CYBC1: variants seen among roughly 807,000 people sequenced by gnomAD.
CYBC1 encodes cytochrome b-245 chaperone 1, also known as essential for reactive oxygen species protein.
CYBC1 carries 22 observed loss-of-function variants against 21.7 expected under a neutral mutation model. The observed-to-expected ratio is 1.02, with a 90% CI of 0.73 to 1.45. The LOEUF is 1.45. CYBC1 is among the 40% of genes most tolerant of loss of function. CYBC1 has a pLI of 0.00. For missense variants in CYBC1, 237 were observed against 242.1 expected (o/e 0.98, Z 0.14); for synonymous variants, 112 against 98.7 (o/e 1.13, Z -0.80).
intron 3 of CYBC1, chr17:82,447,352 C>T (rs78523259): frequency 2.4e-6 from 1 of 409,390 alleles, no homozygotes; most frequent in South Asian, 2.7e-5. Context: ...GACTCCGTCT[C>T]AAAAAAAAAA....
chr17:82,449,187 G>T lies in CYBC1; in HGVS notation c.68C>A (p.Ser23Tyr). The change falls in exon 2 of 7, where the codon TCC becomes TAC. Residue 23 changes from serine (S) to tyrosine (Y), a missense_variant. By Grantham distance (144) the Ser-to-Tyr change is moderately radical. Transcript: ENST00000306645. Reference sequence around the variant, plus strand: ...AGCCTTACCAACCAGCAGGGACCAGGACCGGATGCCTGGAGCCCTCTTCAG... The same window carrying T: ...AGCCTTACCAACCAGCAGGGACCAGTACCGGATGCCTGGAGCCCTCTTCAG... ...LHLKRAPGIR[S>Y]WSLLVGILSI... 6.3e-7 allele frequency: 1 copy of T among 1,580,418 alleles called. No individual in the cohort carries two copies. Among genetic ancestry groups the T allele is most frequent in the Non-Finnish European group, 8.6e-7 (1 of 1,163,760 alleles).
chr17:82,444,813 G>A (rs2054183689), intron 5 of CYBC1: 7 of 563,510 alleles, frequency 1.2e-5, no homozygotes, highest in South Asian at 1.2e-4. Context: ...GCAGGCTGGC[G>A]GGTCACATGC....
At chr17:82,447,185 C>G in intron 3 of CYBC1, 1 of 328,844 alleles carries the variant, frequency 3.0e-6, no homozygotes, top group South Asian at 2.8e-5. Context: ...AACCCCGTCT[C>G]TACTAAAAAT....
At chr17:82,445,795 G>A (rs750485367) in intron 5 of CYBC1, 69 bp downstream of exon 5, 2 of 1,234,180 alleles carry the variant, frequency 1.6e-6, no homozygotes, top group Admixed American at 2.2e-5. Flanking sequence ...GGCCCCGTGA[G>A]TCACCCAGAC....
rs1474923234 is a variant in CYBC1, at chr17:82,444,601, G to C, written c.299-10C>G. On this transcript the variant is annotated splice_polypyrimidine_tract_variant and intron_variant, in intron 5 of 6. Transcript: ENST00000306645. The stretch of plus-strand genomic sequence containing the variant: ...TGGAGCAGGACCACCACTGCGGGGA[G>C]ACGGTCAGTGGCCGAGCCATCCCCG... 2 of 1,592,590 alleles carry C rather than the reference G, an allele frequency of 1.3e-6. No homozygotes were observed. Among genetic ancestry groups the C allele is most frequent in the Middle Eastern group, 1.7e-4 (1 of 6,022 alleles).
Position 82,446,614 on chromosome 17 carries a change from C to A in CYBC1, c.201+9G>T, listed in dbSNP as rs375257998. On this transcript the variant is annotated intron_variant, in intron 4 of 6. Coordinates refer to ENST00000306645, the MANE Select transcript of CYBC1 (RefSeq NM_001033046.4). Reference sequence around the variant, plus strand: ...CCTGGACTCTGTCCCGCACCCGAGCCGGCCTTACCTCCCAGTCCTCCAAGT... The same window carrying A: ...CCTGGACTCTGTCCCGCACCCGAGCAGGCCTTACCTCCCAGTCCTCCAAGT... 6.2e-7 allele frequency: 1 copy of A among 1,614,030 alleles called. No individual in the cohort carries two copies. Among genetic ancestry groups the A allele is most frequent in the Non-Finnish European group, 8.5e-7 (1 of 1,179,942 alleles).
At position 82,443,531 on chromosome 17, in the gene CYBC1, C is replaced by A. The variant is rs1284556539; in HGVS notation, c.*473G>T. 2.9e-6 allele frequency: 2 copies of A among 701,160 alleles called. No individual in the cohort carries two copies. The highest frequency in any genetic ancestry group is 5.2e-6 in the Non-Finnish European group (2 of 384,458). The allele number at this position is 701,160 out of a possible 1,614,324, so 43.4% of individuals were successfully genotyped here. A position where few individuals can be genotyped will look rare whatever the true frequency, so the allele number is the denominator to read the frequency against. On this transcript the variant is annotated 3_prime_UTR_variant, in exon 7 of 7. Coordinates refer to ENST00000306645, the MANE Select transcript of CYBC1 (RefSeq NM_001033046.4). The surrounding 1 kb of genome is among the most constrained non-coding windows in gnomAD (Gnocchi z 6.7). ...CTGTGTCGGGGACAACATGCAGCAT[C>A]AGCACCCACAAGGGCCCGGCCTGGC...
chr17:82,446,505 C>T, intron 4 of CYBC1, 118 bp downstream of exon 4: 1 of 914,040 alleles, frequency 1.1e-6, no homozygotes, highest in South Asian at 1.5e-5. Flanking sequence ...GGGACCAACG[C>T]TTCAGGACGG....
At position 82,448,143 on chromosome 17, in the gene CYBC1, T is replaced by TA. The variant is rs1350016439; in HGVS notation, c.86-523dup. Reference sequence around the variant, plus strand: ...AAAAGGTGGGCCCCAGCTGCTGAGGTACAGCCAGCACCACTCCTCACACGG... The same window carrying TA: ...AAAAGGTGGGCCCCAGCTGCTGAGGTAACAGCCAGCACCACTCCTCACACGG... On this transcript the variant is annotated intron_variant, in intron 2 of 6. Transcript: ENST00000306645. 9 of 225,792 alleles carry TA rather than the reference T, an allele frequency of 4.0e-5. No individual in the cohort carries two copies. The Admixed American group carries it at 4.5e-4, about 11-fold the overall frequency. The allele number at this position is 225,792 out of a possible 1,614,324, so 14.0% of individuals were successfully genotyped here. A position where few individuals can be genotyped will look rare whatever the true frequency, so the allele number is the denominator to read the frequency against.
intron 3 of CYBC1, chr17:82,447,154 C>A (rs1489700791): frequency 3.3e-6 from 1 of 300,248 alleles, no homozygotes; most frequent in Non-Finnish European, 6.3e-6. Context: ...GAGATCGAGA[C>A]CATCCCGGCT....
chr17:82,445,969 C>A lies in CYBC1; in HGVS notation c.202-9G>T. On this transcript the variant is annotated splice_polypyrimidine_tract_variant and intron_variant, in intron 4 of 6. Coordinates refer to ENST00000306645, the MANE Select transcript of CYBC1 (RefSeq NM_001033046.4). ...TTGTCGAAGATGGCTTCCTGGAAAC[C>A]GACATGCACTGACCACCATGAACCT... is the stretch of plus-strand genomic sequence containing the variant. The A allele has an allele frequency of 6.2e-7, 1 of 1,611,974 alleles. No individual in the cohort carries two copies. The highest frequency in any genetic ancestry group is 8.5e-7 in the Non-Finnish European group (1 of 1,178,712).
In CYBC1 at chr17:82,444,070, A is replaced by G. The variant is rs2306758; in HGVS notation, c.498T>C (p.Leu166=). Residue 166 remains leucine (L), a synonymous_variant, in exon 7 of 7, where the codon CTT becomes CTC. Coordinates refer to ENST00000306645, the MANE Select transcript of CYBC1 (RefSeq NM_001033046.4). ...LITSFLELHC[L]ESPTELSQSS... Reference sequence around the variant, plus strand: ...TCTGAGACAGCTCTGTGGGGCTCTCAAGGCAGTGCAGCTCCAGGAAGCTGG... The same window carrying G: ...TCTGAGACAGCTCTGTGGGGCTCTCGAGGCAGTGCAGCTCCAGGAAGCTGG... The G allele has an allele frequency of 0.12, 190,953 of 1,613,314 alleles. 14,123 individuals are homozygous for G. Among genetic ancestry groups the G allele is most frequent in the East Asian group, 0.29 (13,016 of 44,846 alleles).
At position 82,450,743 on chromosome 17, in the gene CYBC1, C is replaced by G. The variant is rs1399926129; in HGVS notation, c.-82G>C. 2 of 152,164 alleles carry G rather than the reference C, an allele frequency of 1.3e-5. No homozygotes were observed. The allele number at this position is 152,164 out of a possible 1,614,324, so 9.4% of individuals were successfully genotyped here. A position where few individuals can be genotyped will look rare whatever the true frequency, so the allele number is the denominator to read the frequency against. On this transcript the variant is annotated 5_prime_UTR_variant, in exon 1 of 7. Transcript: ENST00000306645. The stretch of plus-strand genomic sequence containing the variant: ...CGCGCCGCAGCAGAGAGACGCGAAC[C>G]GGCGGGGGCGGGGCCGCGCGCACTT...
rs761758840 is a variant in CYBC1 at position 82,443,715 on chromosome 17, C to T, written c.*289G>A. On this transcript the variant is annotated 3_prime_UTR_variant, in exon 7 of 7. Coordinates refer to ENST00000306645, the MANE Select transcript of CYBC1 (RefSeq NM_001033046.4). This position sits in a 1 kb window ranked among gnomAD's most constrained non-coding sequence, Gnocchi z 6.7. Reference sequence around the variant, plus strand: ...GTTTCATGCAGTGTGCAAGCAGCAGCATGAGCAGGCAATAGGCCAACTCGG... The same window carrying T: ...GTTTCATGCAGTGTGCAAGCAGCAGTATGAGCAGGCAATAGGCCAACTCGG... 45 of 778,498 alleles carry T rather than the reference C, an allele frequency of 5.8e-5. No homozygotes were observed. In the South Asian group the frequency reaches 5.9e-4, roughly 10 times the overall value. 48.2% of individuals were successfully genotyped at this position (778,498 alleles called of 1,614,324 possible).
At chr17:82,444,265 C>T in intron 6 of CYBC1, 141 bp from the exon 7 acceptor site, 2 of 1,433,496 alleles carry the variant, frequency 1.4e-6, no homozygotes, top group Non-Finnish European at 1.9e-6. Flanking sequence ...TCCTGGCCTG[C>T]TCCCAGCCTC....
rs2073608390 is a variant in CYBC1 at position 82,442,701 on chromosome 17, A to G, written c.*1303T>C. 1.8e-5 allele frequency: 20 copies of G among 1,093,764 alleles called. No homozygotes were observed. The highest frequency in any genetic ancestry group is 2.5e-5 in the Non-Finnish European group (19 of 763,442). The allele number at this position is 1,093,764 out of a possible 1,614,324, so 67.8% of individuals were successfully genotyped here. A position where few individuals can be genotyped will look rare whatever the true frequency, so the allele number is the denominator to read the frequency against. Reference sequence around the variant, plus strand: ...CCCTGTCCTGCAACGAGGGACTGGCAGCCACTACTGAGGAGGAGGGTCCCA... The same window carrying G: ...CCCTGTCCTGCAACGAGGGACTGGCGGCCACTACTGAGGAGGAGGGTCCCA... On this transcript the variant is annotated 3_prime_UTR_variant, in exon 7 of 7. Coordinates refer to ENST00000306645, the MANE Select transcript of CYBC1 (RefSeq NM_001033046.4). The surrounding 1 kb of genome is among the most constrained non-coding windows in gnomAD (Gnocchi z 6.8).
At position 82,442,968 on chromosome 17, in the gene CYBC1, G is replaced by A. The variant is rs2054056445; in HGVS notation, c.*1036C>T. On this transcript the variant is annotated 3_prime_UTR_variant, in exon 7 of 7. Transcript: ENST00000306645. The surrounding 1 kb of genome is among the most constrained non-coding windows in gnomAD (Gnocchi z 6.8). ...GATGGTTGGCGTTCAGCTCCTACGGGGTGGGGAGAAGTCTGTAGCCGAGAG... is the reference window on the plus strand; with the variant it reads ...GATGGTTGGCGTTCAGCTCCTACGGAGTGGGGAGAAGTCTGTAGCCGAGAG... 9.2e-6 allele frequency: 2 copies of A among 217,044 alleles called. No individual in the cohort carries two copies. Among genetic ancestry groups the A allele is most frequent in the Admixed American group, 1.0e-4 (2 of 19,568 alleles). The allele number at this position is 217,044 out of a possible 1,614,324, so 13.4% of individuals were successfully genotyped here.
intron 6 of CYBC1, 120 bp downstream of exon 6, chr17:82,444,327 T>C: frequency 6.8e-7 from 1 of 1,476,094 alleles, no homozygotes. Flanking sequence ...CGTGGGCCCC[T>C]CTGTGTCCCG....
In CYBC1 at chr17:82,444,144, G is replaced by A. The variant is rs1297666595; in HGVS notation, c.444-20C>T. The A allele has an allele frequency of 1.2e-6, 2 of 1,604,894 alleles. No individual in the cohort carries two copies. The highest frequency in any genetic ancestry group is 1.7e-6 in the Non-Finnish European group (2 of 1,174,194). On this transcript the variant is annotated intron_variant, in intron 6 of 6. Transcript: ENST00000306645. Reference sequence around the variant, plus strand: ...ACATCACTGGGCGAGGCCGGCAACGGGAGGAAGGTCAGGTCACCTCGGCAT... The same window carrying A: ...ACATCACTGGGCGAGGCCGGCAACGAGAGGAAGGTCAGGTCACCTCGGCAT...
Sources: gnomAD v4.1 joint callset for allele counts on GRCh38, gnomAD v4.1.1 for gene constraint, Gnocchi (gnomAD v3.1) non-coding constraint, MANE v1.5 for transcripts, NCBI Gene and HGNC (gene_info 2026-07-23, HGNC 2026-07-21) for gene names.